PMPCB: variants seen among roughly 807,000 people sequenced by gnomAD.
PMPCB encodes mitochondrial-processing peptidase subunit beta.
In PMPCB, 46 loss-of-function variants were observed where a neutral mutation model predicts 61.5. The observed-to-expected ratio is 0.75, with a 90% CI of 0.59 to 0.96. The LOEUF (loss-of-function observed/expected upper bound fraction) is 0.96, where lower values mean the gene tolerates loss of function less well. Among genes scored for constraint, PMPCB ranks in the 40% least tolerant of loss-of-function variants. The pLI is 0.00. For missense variants in PMPCB, 590 were observed against 602.4 expected (o/e 0.98, Z 0.22); for synonymous variants, 191 against 201.6 (o/e 0.95, Z 0.44).
chr7:103,326,586 T>C (rs1296603598), intron 12 of PMPCB: 1 of 1,613,824 alleles, frequency 6.2e-7, no homozygotes, highest in African/African-American at 1.3e-5. Flanking sequence ...TCGAAGAAAT[T>C]ATCCTTTGCT....
intron 8 of PMPCB, chr7:103,309,345 T>C (rs1817675808): frequency 3.4e-6 from 1 of 296,448 alleles, no homozygotes; most frequent in Admixed American, 5.0e-5. Flanking sequence ...ACTATGTCAA[T>C]GTTAATATCC....
At chr7:103,326,439 A>G (rs1394042915) in intron 12 of PMPCB, 2 of 1,166,674 alleles carry the variant, frequency 1.7e-6, no homozygotes, top group Non-Finnish European at 2.5e-6. Flanking sequence ...CAGTGGAAAT[A>G]ATCTATAAAT....
chr7:103,299,445 T>C lies in PMPCB; in HGVS notation c.243T>C (p.Val81=). 6.3e-7 allele frequency: 1 copy of C among 1,590,336 alleles called. No homozygotes were observed. Among genetic ancestry groups the C allele is most frequent in the Non-Finnish European group, 8.6e-7 (1 of 1,159,600 alleles). Residue 81 remains valine (V), a splice_region_variant and synonymous_variant, in exon 3 of 13, where the codon GTT becomes GTC. Coordinates refer to ENST00000249269, the MANE Select transcript of PMPCB (RefSeq NM_004279.3). Reference sequence around the variant, plus strand: ...AATTGTTCTTTGATTGCATTAAGGTTGGACTCTGGATTGATGCTGGAAGTA... The same window carrying C: ...AATTGTTCTTTGATTGCATTAAGGTCGGACTCTGGATTGATGCTGGAAGTA... The part of the protein sequence containing the change: ...SEDSGLSTCT[V]GLWIDAGSRY...
intron 12 of PMPCB, among the ~76,000 whole-genome samples, chr7:103,320,151 C>T (rs1372767620): frequency 5.3e-5 from 8 of 152,144 alleles, no homozygotes; most frequent in South Asian, 4.1e-4. Flanking sequence ...TCCAGTGGCA[C>T]GAAATCGGCT....
chr7:103,317,051 A>C, downstream of PMPCB: 1 of 1,550,522 alleles, frequency 6.4e-7, no homozygotes, highest in Non-Finnish European at 8.8e-7. Context: ...TTAGAAGTAT[A>C]CTGTATTGCT....
rs200217300 is a variant in PMPCB at position 103,297,442 on chromosome 7, A to G, written c.-18A>G. The G allele has an allele frequency of 4.2e-5, 64 of 1,540,182 alleles. No individual in the cohort carries two copies. In the East Asian group the frequency reaches 1.2e-3, roughly 29 times the overall value. On this transcript the variant is annotated 5_prime_UTR_variant, in exon 1 of 13. Transcript: ENST00000249269. ...CCCGGAAGCACATCCTTCATCCTCT[A>G]CCTTCCTTCTAGCAGAAATGGCGGC...
the PMPCB span, chr7:103,344,390 G>A: frequency 3.0e-6 from 2 of 677,190 alleles, no homozygotes; most frequent in Admixed American, 2.8e-5. Flanking sequence ...TTCTAATCTA[G>A]GGTAGGATTA....
downstream of PMPCB, among the ~76,000 whole-genome samples, chr7:103,318,407 T>C (rs2068380164): frequency 6.6e-6 from 1 of 152,204 alleles, no homozygotes; most frequent in African/African-American, 2.4e-5. Context: ...TTCTATTTTA[T>C]AGTTTGTGGT....
chr7:103,316,656 G>A (rs974278434), downstream of PMPCB: 1 of 608,694 alleles, frequency 1.6e-6, no homozygotes, highest in East Asian at 2.7e-5. Context: ...GTGTACTGAT[G>A]CAATGGGTAA....
At chr7:103,347,443 T>A in the PMPCB span, 1 of 322,558 alleles carries the variant, frequency 3.1e-6, no homozygotes, top group Non-Finnish European at 6.0e-6. Context: ...TTACCTTCAC[T>A]ATATTTGTAG....
downstream of PMPCB, chr7:103,319,521 A>G: frequency 8.5e-7 from 1 of 1,180,876 alleles, no homozygotes; most frequent in Non-Finnish European, 1.3e-6. Context: ...TACTCCCTGC[A>G]CTTGGTGACT....
chr7:103,314,523 C>G lies in PMPCB; in HGVS notation c.*2252C>G. On this transcript the variant is annotated 3_prime_UTR_variant, in exon 13 of 13. Coordinates refer to ENST00000249269, the MANE Select transcript of PMPCB (RefSeq NM_004279.3). ...ACCTCCCTCCAACATGGAAACAAGTCCCCCTAAGAAAGAGCTGAGACTAGT... is the reference window on the plus strand; with the variant it reads ...ACCTCCCTCCAACATGGAAACAAGTGCCCCTAAGAAAGAGCTGAGACTAGT... 1.0e-6 allele frequency: 1 copy of G among 985,362 alleles called. No homozygotes were observed. The highest frequency in any genetic ancestry group is 1.2e-6 in the Non-Finnish European group (1 of 829,922). 61.0% of individuals were successfully genotyped at this position (985,362 alleles called of 1,614,324 possible).
chr7:103,324,474 TCA>T (rs777447492), intron 12 of PMPCB: 1 of 1,486,358 alleles, frequency 6.7e-7, no homozygotes, highest in Admixed American at 2.4e-5. Flanking sequence ...AACAGTATAT[TCA>T]CTTACCAGAA....
At position 103,312,309 on chromosome 7, in the gene PMPCB, A is replaced by G; in HGVS notation, c.*38A>G. ...CAAGATTGTTTGAACACATGTATTT[A>G]TAAAACAGAGCTAGAGAAAAATAAA... On this transcript the variant is annotated 3_prime_UTR_variant, in exon 13 of 13. Coordinates refer to ENST00000249269, the MANE Select transcript of PMPCB (RefSeq NM_004279.3). 6.2e-7 allele frequency: 1 copy of G among 1,603,994 alleles called. No individual in the cohort carries two copies. Among genetic ancestry groups the G allele is most frequent in the Non-Finnish European group, 8.5e-7 (1 of 1,179,432 alleles).
downstream of PMPCB, chr7:103,316,680 A>T (rs1480638964): frequency 1.5e-6 from 1 of 651,194 alleles, no homozygotes; most frequent in African/African-American, 1.8e-5. Context: ...TGACAGCTTC[A>T]AAATGCACCT....
chr7:103,333,951 A>AC (rs1819067850), downstream of PMPCB, among the ~76,000 whole-genome samples: 2 of 139,510 alleles, frequency 1.4e-5, no homozygotes, highest in African/African-American at 2.6e-5. Flanking sequence ...TGTTGTGAAC[A>AC]TTTTTTTTTT....
In PMPCB at chr7:103,297,500, C is replaced by CGCG. The variant is rs749420052; in HGVS notation, c.50_52dup (p.Arg17dup). Reference sequence around the variant, plus strand: ...GCTCGAGTGGTGTTGTCATCCGCGGCGCGGCGGCGGCTCTGGGGTTTCAGC... The same window carrying CGCG: ...GCTCGAGTGGTGTTGTCATCCGCGGCGCGGCGGCGGCGGCTCTGGGGTTTCAGC... On this transcript the variant is annotated inframe_insertion, in exon 1 of 13. Transcript: ENST00000249269. The CGCG allele has an allele frequency of 8.2e-6, 13 of 1,576,302 alleles. No homozygotes were observed. Among genetic ancestry groups the CGCG allele is most frequent in the East Asian group, 2.3e-5 (1 of 44,238 alleles).
At position 103,314,577 on chromosome 7, in the gene PMPCB, A is replaced by G; in HGVS notation, c.*2306A>G. ...CTAATACCTGTTGTATTTTGTGGAG[A>G]TAAAGGTGCAGGAGAATAAACTCCT... On this transcript the variant is annotated 3_prime_UTR_variant, in exon 13 of 13. Transcript: ENST00000249269. The G allele has an allele frequency of 1.0e-6, 1 of 985,328 alleles. No homozygotes were observed. Among genetic ancestry groups the G allele is most frequent in the Non-Finnish European group, 1.2e-6 (1 of 829,866 alleles). 61.0% of individuals were successfully genotyped at this position (985,328 alleles called of 1,614,324 possible).
At chr7:103,321,837 G>A (rs1347772071) in intron 12 of PMPCB, 3 of 1,410,320 alleles carry the variant, frequency 2.1e-6, no homozygotes, top group Admixed American at 3.8e-5. Context: ...GACAGAGCGA[G>A]ACCCCATCTA....
Sources: allele counts gnomAD v4.1 joint callset (sites outside exome capture counted in the v4.1 genomes callset), GRCh38; gene constraint gnomAD v4.1.1; transcripts MANE v1.5; gene names NCBI Gene and HGNC (gene_info 2026-07-23, HGNC 2026-07-21).